Variants in NTM observed in about 807,000 individuals in gnomAD.
The protein encoded by NTM is IgLON family member 2.
NTM carries 13 observed loss-of-function variants against 42.1 expected under a neutral mutation model. The observed-to-expected ratio is 0.31, with a 90% CI of 0.20 to 0.49. The LOEUF is 0.49. Among genes scored for constraint, NTM ranks in the 20% least tolerant of loss-of-function variants. The pLI is 0.99. For synonymous variants in NTM, 187 were observed against 179.2 expected (o/e 1.04, Z -0.35); for missense variants, 373 against 452.8 (o/e 0.82, Z 1.60).
At chr11:132,029,078 T>C (rs1169644743) in intron 2 of NTM, among the ~76,000 whole-genome samples, 1 of 152,010 alleles carries the variant, frequency 6.6e-6, no homozygotes, top group Non-Finnish European at 1.5e-5. Context: ...TTTTTTGTTT[T>C]GTTTTGTTTT....
At chr11:131,533,326 G>A (rs112951817) in intron 1 of NTM, among the ~76,000 whole-genome samples, 3,636 of 152,266 alleles carry the variant, frequency 0.024, 71 homozygotes, top group Middle Eastern at 0.061. Flanking sequence ...CCTAGTAAGC[G>A]TCGAGCGTGA....
At chr11:131,658,637 C>T (rs1250272361) in intron 1 of NTM, among the ~76,000 whole-genome samples, 2 of 152,184 alleles carry the variant, frequency 1.3e-5, no homozygotes, top group Non-Finnish European at 2.9e-5. Flanking sequence ...TGCCCAGATG[C>T]AAAGCCACAG....
At chr11:131,538,851 TAAGAG>T (rs1031951109) in intron 1 of NTM, among the ~76,000 whole-genome samples, 1 of 151,074 alleles carries the variant, frequency 6.6e-6, no homozygotes, top group African/African-American at 2.4e-5. Flanking sequence ...TCAAAATTGC[TAAGAG>T]AGTAAATTTC....
At chr11:132,255,847 T>C (rs2092427120) in intron 4 of NTM, among the ~76,000 whole-genome samples, 1 of 152,072 alleles carries the variant, frequency 6.6e-6, no homozygotes, top group Admixed American at 6.6e-5. Flanking sequence ...GTCCTGTTGC[T>C]TTCCTTCCAA....
intron 1 of NTM, among the ~76,000 whole-genome samples, chr11:131,704,396 C>T (rs2076377557): frequency 1.3e-5 from 2 of 152,212 alleles, no homozygotes; most frequent in South Asian, 4.1e-4. Flanking sequence ...ACACAGCCCC[C>T]TCCAGCATGA....
chr11:132,305,600 A>G (rs762228503), intron 4 of NTM, among the ~76,000 whole-genome samples: 1 of 152,246 alleles, frequency 6.6e-6, no homozygotes, highest in Non-Finnish European at 1.5e-5. Flanking sequence ...TGCTTGGCAC[A>G]GTAATTATAG....
intron 3 of NTM, among the ~76,000 whole-genome samples, chr11:132,184,836 G>T (rs183342738): frequency 6.6e-6 from 1 of 152,114 alleles, no homozygotes; most frequent in Non-Finnish European, 1.5e-5. Context: ...CGTCATGAAC[G>T]TACCATGTCA....
chr11:132,321,140 C>G (rs2095559337), intron 7 of NTM, among the ~76,000 whole-genome samples: 1 of 152,244 alleles, frequency 6.6e-6, no homozygotes, highest in South Asian at 2.1e-4. Context: ...CAAAGGAATG[C>G]AGCTCCTCAC....
At chr11:132,245,619 G>A (rs963300103) in intron 4 of NTM, among the ~76,000 whole-genome samples, 2 of 152,054 alleles carry the variant, frequency 1.3e-5, no homozygotes, top group East Asian at 1.9e-4. Context: ...TCTGTACGAC[G>A]GCCTGCAGTC....
intron 5 of NTM, 135 bp downstream of exon 5, chr11:132,307,958 G>A: frequency 1.4e-6 from 1 of 739,946 alleles, no homozygotes; most frequent in African/African-American, 1.8e-5. Flanking sequence ...TCCACACTCT[G>A]CTTTCAGGAG....
At chr11:132,235,516 C>G (rs1417462963) in intron 4 of NTM, among the ~76,000 whole-genome samples, 1 of 152,166 alleles carries the variant, frequency 6.6e-6, no homozygotes, top group Non-Finnish European at 1.5e-5. Flanking sequence ...AGAAACAAAA[C>G]TATAAAAAGG....
At chr11:131,760,550 T>TC (rs905442078) in intron 1 of NTM, among the ~76,000 whole-genome samples, 6 of 152,128 alleles carry the variant, frequency 3.9e-5, no homozygotes, top group African/African-American at 1.4e-4. Flanking sequence ...CCGTTCTGAT[T>TC]CCCCCGCTCA....
intron 1 of NTM, among the ~76,000 whole-genome samples, chr11:131,651,763 C>T (rs1003073527): frequency 1.3e-5 from 2 of 152,012 alleles, no homozygotes; most frequent in African/African-American, 4.8e-5. Flanking sequence ...ATCGCTTGAA[C>T]GCAGGAGGCG....
chr11:132,039,717 C>T (rs2076947419), intron 2 of NTM, among the ~76,000 whole-genome samples: 1 of 152,020 alleles, frequency 6.6e-6, no homozygotes, highest in African/African-American at 2.4e-5. Flanking sequence ...GAGGCAGGCA[C>T]CAAGGCAGGT....
intron 1 of NTM, among the ~76,000 whole-genome samples, chr11:131,451,058 T>G (rs1486299009): frequency 6.6e-6 from 1 of 152,138 alleles, no homozygotes; most frequent in Non-Finnish European, 1.5e-5. Flanking sequence ...TAAAAGAATC[T>G]TTCAAATTTG....
intron 1 of NTM, among the ~76,000 whole-genome samples, chr11:131,413,100 C>T (rs1946591524): frequency 1.3e-5 from 2 of 152,152 alleles, no homozygotes; most frequent in Non-Finnish European, 2.9e-5. Flanking sequence ...TGCCTCAACT[C>T]TTCCCTTGTG....
chr11:132,160,746 C>T (rs1357115704), intron 3 of NTM, among the ~76,000 whole-genome samples: 2 of 152,118 alleles, frequency 1.3e-5, no homozygotes, highest in Non-Finnish European at 2.9e-5. Flanking sequence ...CAGCTGAGAG[C>T]TGAGGAGGAT....
At chr11:131,848,117 AT>A (rs1440575526) in intron 1 of NTM, among the ~76,000 whole-genome samples, 1 of 152,220 alleles carries the variant, frequency 6.6e-6, no homozygotes, top group Non-Finnish European at 1.5e-5. Flanking sequence ...ACTAAATGGA[AT>A]TTTATTAAGG....
At chr11:131,940,400 C>T (rs2059670277) in intron 2 of NTM, among the ~76,000 whole-genome samples, 1 of 152,172 alleles carries the variant, frequency 6.6e-6, no homozygotes, top group African/African-American at 2.4e-5. Flanking sequence ...AGTGGGTATA[C>T]ATTGTGAGAT....
Sources: gnomAD v4.1 joint callset for allele counts (sites outside exome capture counted in the v4.1 genomes callset) on GRCh38, gnomAD v4.1.1 for gene constraint, MANE v1.5 for transcripts, NCBI Gene and HGNC (gene_info 2026-07-23, HGNC 2026-07-21) for gene names.